SGMS1: variants seen among roughly 807,000 people sequenced by gnomAD.
The protein encoded by SGMS1 is phosphatidylcholine:ceramide cholinephosphotransferase 1.
A neutral mutation model predicts 46.2 loss-of-function variants in SGMS1; 13 were observed. The ratio of observed to expected loss-of-function variants is 0.28; its 90% CI spans 0.18 to 0.45. The LOEUF is 0.45. Among genes scored for constraint, SGMS1 ranks in the 20% least tolerant of loss-of-function variants. SGMS1 has a pLI of 1.00. For synonymous variants in SGMS1, 203 were observed against 187.8 expected, an observed-to-expected ratio of 1.08 and a Z score of -0.66; for missense variants, 324 against 519.9, an observed-to-expected ratio of 0.62 and a Z score of 3.66.
chr10:50,497,361 A>G (rs1002510913), intron 3 of SGMS1, among the ~76,000 whole-genome samples: 1 of 152,256 alleles, frequency 6.6e-6, no homozygotes, highest in African/African-American at 2.4e-5. Context: ...ATTACAATCT[A>G]TACAACCCAT....
chr10:50,476,348 G>A (rs988398279), intron 3 of SGMS1, among the ~76,000 whole-genome samples: 1 of 150,430 alleles, frequency 6.6e-6, no homozygotes, highest in African/African-American at 2.4e-5. Flanking sequence ...GAAGGGAAGG[G>A]AACTGTTATA....
At chr10:50,560,067 TA>T (rs1838220440) in intron 2 of SGMS1, among the ~76,000 whole-genome samples, 1 of 147,668 alleles carries the variant, frequency 6.8e-6, no homozygotes, top group East Asian at 1.9e-4. Flanking sequence ...ATAAATAATA[TA>T]ATATATAGAC....
chr10:50,550,584 C>T (rs965991658), intron 2 of SGMS1, among the ~76,000 whole-genome samples: 11 of 152,260 alleles, frequency 7.2e-5, no homozygotes, highest in South Asian at 2.1e-4. Context: ...CTATCTATCC[C>T]GGAACCTTGA....
At chr10:50,530,521 C>T (rs371829613) in intron 2 of SGMS1, among the ~76,000 whole-genome samples, 3 of 152,280 alleles carry the variant, frequency 2.0e-5, no homozygotes, top group Admixed American at 6.5e-5. Context: ...CTCACTGTGT[C>T]GCCCAGGCTT....
rs771146650 is a variant in SGMS1, at chr10:50,311,368, A to C, written c.789T>G (p.Ile263Met). Reference sequence around the variant, plus strand: ...CAGTGATAGACAAGCCACCTCCAGCAATGAGCTTCATTATTCTTCGCAGTT... The same window carrying C: ...CAGTGATAGACAAGCCACCTCCAGCCATGAGCTTCATTATTCTTCGCAGTT... ...EAQLRRIMKLIAGGGLSITGS... is the reference protein window; with the variant it reads ...EAQLRRIMKLMAGGGLSITGS... The change falls in exon 9 of 11, where the codon ATT becomes ATG. Residue 263 changes from isoleucine (I) to methionine (M), a missense_variant. Coordinates refer to ENST00000361781, the MANE Select transcript of SGMS1 (RefSeq NM_147156.4). 1 of 1,614,062 alleles carries C rather than the reference A, an allele frequency of 6.2e-7. No homozygotes were observed. The highest frequency in any genetic ancestry group is 1.1e-5 in the South Asian group (1 of 91,084).
At chr10:50,423,908 T>G (rs117711580) in intron 6 of SGMS1, among the ~76,000 whole-genome samples, 1,530 of 152,336 alleles carry the variant, frequency 0.01, 8 homozygotes, top group Non-Finnish European at 0.016. Context: ...ATTTAATCCA[T>G]TTACCGAGTA....
At chr10:50,474,360 C>A (rs1837401962) in intron 3 of SGMS1, 1 of 152,168 alleles carries the variant, frequency 6.6e-6, no homozygotes, top group Admixed American at 6.5e-5. Context: ...CAACTTGTCT[C>A]CTCTGGAATT....
At chr10:50,355,521 A>T (rs1291474995) in intron 6 of SGMS1, among the ~76,000 whole-genome samples, 3 of 152,212 alleles carry the variant, frequency 2.0e-5, no homozygotes, top group Non-Finnish European at 1.5e-5. Context: ...GTGATCTGCC[A>T]GCCTTGGCCT....
intron 2 of SGMS1, among the ~76,000 whole-genome samples, chr10:50,560,401 T>C (rs1838225932): frequency 7.2e-6 from 1 of 138,782 alleles, no homozygotes; most frequent in East Asian, 2.0e-4. Flanking sequence ...ATGCATATAT[T>C]ATAATACATA....
At chr10:50,616,313 T>TTTAG (rs1838796885) in intron 1 of SGMS1, among the ~76,000 whole-genome samples, 1 of 152,084 alleles carries the variant, frequency 6.6e-6, no homozygotes, top group South Asian at 2.1e-4. Context: ...TATTTATTTA[T>TTTAG]TTAGTAGAGA....
rs752336042 is a variant in SGMS1 at position 50,487,984 on chromosome 10, A to ATTTT, written c.-497-21056_-497-21053dup. On this transcript the variant is annotated intron_variant, in intron 3 of 10. Transcript: ENST00000361781. ...ATTTCCTGATTTTTATTTTGTTTTT[A>ATTTT]TTTTATTTATTTATTTATTTATTTA... 2.9e-3 allele frequency among the ~76,000 whole-genome samples: 398 copies of ATTTT among 137,118 alleles called. 1 individual carries two copies. The highest frequency in any genetic ancestry group is 0.015 in the East Asian group (72 of 4,714). 90.0% of individuals were successfully genotyped at this position (137,118 alleles called of 152,430 possible).
intron 1 of SGMS1, chr10:50,623,474 C>A (rs1243113880): frequency 1.4e-6 from 1 of 714,666 alleles, no homozygotes; most frequent in African/African-American, 1.9e-5. Flanking sequence ...CCGCCCCCTC[C>A]GAGCCCGGAT....
chr10:50,353,694 C>T (rs1392090556), intron 6 of SGMS1, among the ~76,000 whole-genome samples: 8 of 152,152 alleles, frequency 5.3e-5, no homozygotes, highest in South Asian at 2.1e-4. Flanking sequence ...AAAACCCCAT[C>T]GTCTCAGCCC....
intron 1 of SGMS1, among the ~76,000 whole-genome samples, chr10:50,607,754 A>G (rs1322178109): frequency 1.3e-5 from 2 of 152,262 alleles, no homozygotes; most frequent in Non-Finnish European, 2.9e-5. Context: ...GTTAGGAAAT[A>G]CTAAAATGAA....
chr10:50,319,161 CAAAAAAAA>C lies in SGMS1; in HGVS notation c.742-7754_742-7747del, dbSNP rs5784829. Among the ~76,000 whole-genome samples, 14 of 107,856 alleles carry C rather than the reference CAAAAAAAA, an allele frequency of 1.3e-4. No homozygotes were observed. The Admixed American group carries it at 1.3e-3, about 10-fold the overall frequency. 70.8% of individuals were successfully genotyped at this position (107,856 alleles called of 152,430 possible). A position where few individuals can be genotyped will look rare whatever the true frequency, so the allele number is the denominator to read the frequency against. On this transcript the variant is annotated intron_variant, in intron 8 of 10. Transcript: ENST00000361781. ...CTGGTCAGGAAGTGAGATTTGCCAC[CAAAAAAAA>C]AAAAAAAAAAAATTGCCCTTGGCTT...
chr10:50,350,847 A>T (rs185691582), intron 6 of SGMS1, among the ~76,000 whole-genome samples: 1 of 152,196 alleles, frequency 6.6e-6, no homozygotes, highest in Non-Finnish European at 1.5e-5. Context: ...AACCTCTGCT[A>T]GGGCAGTGCA....
At chr10:50,534,528 A>G (rs1490848025) in intron 2 of SGMS1, among the ~76,000 whole-genome samples, 18 of 152,224 alleles carry the variant, frequency 1.2e-4, no homozygotes, top group Non-Finnish European at 2.9e-5. Flanking sequence ...GCTGTTTGAC[A>G]CAGTTCCAGT....
rs185647335 is a variant in SGMS1, at chr10:50,424,748, A to G, written c.-232+8728T>C. On this transcript the variant is annotated intron_variant, in intron 6 of 10. Transcript: ENST00000361781. ...AAGTAGGCAAGGAACATGAACAGAC[A>G]CTTCTCAAACAAAATTAGTCGGGCA... is the stretch of plus-strand genomic sequence containing the variant. Among the ~76,000 whole-genome samples the G allele has an allele frequency of 2.3e-3, 351 of 152,212 alleles. 2 individuals carry two copies. Among genetic ancestry groups the G allele is most frequent in the South Asian group, 5.4e-3 (26 of 4,830 alleles).
chr10:50,400,678 T>C (rs1055322271), intron 6 of SGMS1, among the ~76,000 whole-genome samples: 1 of 151,928 alleles, frequency 6.6e-6, no homozygotes, highest in Admixed American at 6.6e-5. Context: ...CTCACTATCT[T>C]ATTAGTAAGA....
Sources: gnomAD v4.1 joint callset for allele counts (sites outside exome capture counted in the v4.1 genomes callset) on GRCh38, gnomAD v4.1.1 for gene constraint, MANE v1.5 for transcripts, NCBI Gene and HGNC (gene_info 2026-07-23, HGNC 2026-07-21) for gene names.